The following DIS3L2 variants were observed in gnomAD, a reference collection of about 807,000 sequenced individuals.
DIS3L2 encodes the protein DIS3-like exonuclease 2.
In DIS3L2, 34 loss-of-function variants were observed where a neutral mutation model predicts 97.5. The observed-to-expected ratio is 0.35, with a 90% CI of 0.27 to 0.46. The LOEUF (loss-of-function observed/expected upper bound fraction) is 0.46, where lower values mean the gene tolerates loss of function less well. Among genes scored for constraint, DIS3L2 ranks in the 20% least tolerant of loss-of-function variants. DIS3L2 has a pLI of 1.00. For missense variants in DIS3L2, 1,038 were observed against 1,146.0 expected (o/e 0.91, Z 1.36); for synonymous variants, 435 against 445.2 (o/e 0.98, Z 0.29).
chr2:232,166,587 G>A (rs1262910687), intron 9 of DIS3L2, among the ~76,000 whole-genome samples: 4 of 151,938 alleles, frequency 2.6e-5, no homozygotes, highest in Admixed American at 6.6e-5. Flanking sequence ...ATAGTAGTAC[G>A]CGCCTGTAGT....
chr2:231,976,603 TG>T (rs1222376435), intron 1 of DIS3L2, among the ~76,000 whole-genome samples: 1 of 150,212 alleles, frequency 6.7e-6, no homozygotes, highest in Non-Finnish European at 1.5e-5. Flanking sequence ...TACTCCAGCC[TG>T]GGTAACAAAG....
intron 1 of DIS3L2, among the ~76,000 whole-genome samples, chr2:231,975,715 A>AG (rs1206645863): frequency 6.6e-6 from 1 of 151,042 alleles, no homozygotes; most frequent in African/African-American, 2.4e-5. Context: ...AAAAAAAAAA[A>AG]AAAAAAAAAA....
intron 10 of DIS3L2, among the ~76,000 whole-genome samples, chr2:232,236,257 A>C (rs145149452): frequency 6.6e-6 from 1 of 152,190 alleles, no homozygotes; most frequent in Non-Finnish European, 1.5e-5. Flanking sequence ...GTAGGAGGAT[A>C]ATAAGTAGCT....
intron 6 of DIS3L2, chr2:232,111,065 G>A (rs925214026): frequency 5.3e-5 from 19 of 360,306 alleles, no homozygotes; most frequent in South Asian, 4.2e-4. Context: ...GGAAATTAAT[G>A]ATAGATGTAG....
chr2:231,979,633 A>G (rs183142003), intron 1 of DIS3L2, among the ~76,000 whole-genome samples: 1 of 152,008 alleles, frequency 6.6e-6, no homozygotes, highest in South Asian at 2.1e-4. Context: ...GCTGGAGTGC[A>G]GTGGTGTGAT....
chr2:232,329,795 C>CGGGGG lies in DIS3L2; in HGVS notation c.1740-18_1740-17insGGGGG. The CGGGGG allele has an allele frequency of 3.1e-6, 1 of 318,104 alleles. No homozygotes were observed. Among genetic ancestry groups the CGGGGG allele is most frequent in the Non-Finnish European group, 5.8e-6 (1 of 173,896 alleles). The allele number at this position is 318,104 out of a possible 1,614,324, so 19.7% of individuals were successfully genotyped here. A position where few individuals can be genotyped will look rare whatever the true frequency, so the allele number is the denominator to read the frequency against. The stretch of plus-strand genomic sequence containing the variant: ...CCCAAACCCCAGCGGTCCCTCCCAT[C>CGGGGG]CCACCCACCCTCTGCAGGCTCGTGG... On this transcript the variant is annotated splice_polypyrimidine_tract_variant and intron_variant, in intron 14 of 20. Transcript: ENST00000325385.
intron 10 of DIS3L2, among the ~76,000 whole-genome samples, chr2:232,219,604 A>G (rs1692438206): frequency 6.6e-6 from 1 of 152,156 alleles, no homozygotes; most frequent in East Asian, 1.9e-4. Flanking sequence ...AGTGGTACCT[A>G]TAAGATCACT....
chr2:232,082,657 G>A (rs1425526313), intron 5 of DIS3L2, among the ~76,000 whole-genome samples: 3 of 152,120 alleles, frequency 2.0e-5, no homozygotes, highest in South Asian at 2.1e-4. Flanking sequence ...CTGCCTTGTA[G>A]CATTTTTTGG....
chr2:232,136,196 C>T (rs1698354223), intron 7 of DIS3L2, among the ~76,000 whole-genome samples: 1 of 152,188 alleles, frequency 6.6e-6, no homozygotes, highest in South Asian at 2.1e-4. Context: ...TGGAGTCCCA[C>T]ATGTCTTTAT....
At chr2:232,182,142 T>C (rs190201186) in intron 9 of DIS3L2, among the ~76,000 whole-genome samples, 2 of 152,322 alleles carry the variant, frequency 1.3e-5, no homozygotes, top group African/African-American at 4.8e-5. Context: ...TTTGTTTTCA[T>C]TTATATCTAA....
At chr2:232,194,587 T>C (rs3103290) in intron 9 of DIS3L2, among the ~76,000 whole-genome samples, 29,455 of 152,194 alleles carry the variant, frequency 0.19, 3,564 homozygotes, top group South Asian at 0.46. Flanking sequence ...GAGAGTATAA[T>C]GTAATTGTAC....
At chr2:232,249,486 T>C in intron 12 of DIS3L2, 140 bp downstream of exon 12, 7 of 932,334 alleles carry the variant, frequency 7.5e-6, no homozygotes, top group Non-Finnish European at 1.1e-5. Flanking sequence ...CATAGAGAAA[T>C]GTCAGAGTCC....
intron 5 of DIS3L2, among the ~76,000 whole-genome samples, chr2:232,070,528 T>C (rs1695983355): frequency 6.6e-6 from 1 of 152,104 alleles, no homozygotes; most frequent in Non-Finnish European, 1.5e-5. Flanking sequence ...TGCCTGCTTC[T>C]CACTCTTCGT....
intron 10 of DIS3L2, among the ~76,000 whole-genome samples, chr2:232,223,616 G>A (rs376115324): frequency 1.3e-5 from 2 of 152,158 alleles, no homozygotes; most frequent in Non-Finnish European, 2.9e-5. Flanking sequence ...GACACAGTCC[G>A]TATTCCAGAG....
At chr2:232,085,285 G>A (rs1015570619) in intron 5 of DIS3L2, among the ~76,000 whole-genome samples, 6 of 152,002 alleles carry the variant, frequency 3.9e-5, no homozygotes, top group South Asian at 2.1e-4. Flanking sequence ...CTCACTAGTC[G>A]ACTTTTGATT....
chr2:232,000,662 C>CCTTTCCTTTCCTT (rs1178382206), intron 1 of DIS3L2, among the ~76,000 whole-genome samples: 246 of 92,908 alleles, frequency 2.6e-3, no homozygotes, highest in African/African-American at 1.0e-2. Context: ...CCTTTCCTTT[C>CCTTTCCTTTCCTT]TCTTTCTCTC....
intron 5 of DIS3L2, among the ~76,000 whole-genome samples, chr2:232,034,368 T>A (rs577703404): frequency 6.6e-6 from 1 of 152,318 alleles, no homozygotes; most frequent in South Asian, 2.1e-4. Context: ...TTCTTCTTCA[T>A]TAGGCTGTCT....
At chr2:232,205,640 C>A (rs971041144) in intron 9 of DIS3L2, among the ~76,000 whole-genome samples, 1 of 151,964 alleles carries the variant, frequency 6.6e-6, no homozygotes, top group Non-Finnish European at 1.5e-5. Context: ...GTAAAAGGAA[C>A]ACGTGAGTAG....
chr2:232,215,890 T>C, intron 10 of DIS3L2, among the ~76,000 whole-genome samples: 1 of 152,180 alleles, frequency 6.6e-6, no homozygotes, highest in Non-Finnish European at 1.5e-5. Context: ...GTGAAAAGGT[T>C]CGTGCATGTC....
Sources: gnomAD v4.1 joint callset for allele counts (sites outside exome capture counted in the v4.1 genomes callset) on GRCh38, gnomAD v4.1.1 for gene constraint, MANE v1.5 for transcripts, NCBI Gene and HGNC (gene_info 2026-07-23, HGNC 2026-07-21) for gene names.